Variants in SLC36A3 observed in about 807,000 individuals in gnomAD.
The protein encoded by SLC36A3 is solute carrier family 36 member 3.
A neutral mutation model predicts 44.3 loss-of-function variants in SLC36A3; 35 were observed. The observed-to-expected ratio is 0.79, with a 90% CI of 0.60 to 1.05. The LOEUF (loss-of-function observed/expected upper bound fraction) is 1.05, where lower values mean the gene tolerates loss of function less well. Among genes scored for constraint, SLC36A3 ranks in the 50% least tolerant of loss-of-function variants. SLC36A3 has a pLI of 0.00. For missense variants in SLC36A3, 540 were observed against 578.7 expected (o/e 0.93, Z 0.69); for synonymous variants, 211 against 227.6 (o/e 0.93, Z 0.66).
Position 151,287,458 on chromosome 5 carries a change from C to T in SLC36A3, c.496G>A (p.Glu166Lys), listed in dbSNP as rs1489354529. 1 of 1,613,940 alleles carries T rather than the reference C, an allele frequency of 6.2e-7. No individual in the cohort carries two copies. The highest frequency in any genetic ancestry group is 8.5e-7 in the Non-Finnish European group (1 of 1,179,922). ...ATGTTGGAGGTCACGTGGGCTTTTTCCACCATCTGACATAAAGCACAATGA... is the reference window on the plus strand; with the variant it reads ...ATGTTGGAGGTCACGTGGGCTTTTTTCACCATCTGACATAAAGCACAATGA... Reference protein sequence around the residue: ...FMADNLQQMVEKAHVTSNICQ... With the variant: ...FMADNLQQMVKKAHVTSNICQ... Residue 166 changes from glutamate (E) to lysine (K), a missense_variant, in exon 6 of 10, where the codon GAA (glutamate) becomes AAA (lysine). Physicochemically the swap from Glu to Lys is moderately conservative, Grantham distance 56. Transcript: ENST00000335230.
chr5:151,293,277 T>G, intron 4 of SLC36A3, 87 bp downstream of exon 4: 1 of 1,125,220 alleles, frequency 8.9e-7, no homozygotes, highest in Non-Finnish European at 1.3e-6. Context: ...AATAAGAGCA[T>G]ATTCATTTAA....
In SLC36A3 at chr5:151,303,300, G is replaced by A; in HGVS notation, c.55C>T (p.Pro19Ser). ...CTGCTGCTCTCTGAGGGTGACTGAG[G>A]TCCGTTGTCCAAGGAGTTCAGCTCA... The part of the protein sequence containing the change: ...NSELNSLDNG[P>S]QSPSESSSSI... Residue 19 changes from proline (P) to serine (S), a missense_variant, in exon 1 of 10, where the codon CCT (proline) becomes TCT (serine). Transcript: ENST00000335230. 1.9e-6 allele frequency: 3 copies of A among 1,614,086 alleles called. No homozygotes were observed. Among genetic ancestry groups the A allele is most frequent in the Non-Finnish European group, 8.5e-7 (1 of 1,179,998 alleles).
intron 7 of SLC36A3, among the ~76,000 whole-genome samples, 198 bp downstream of exon 7, chr5:151,284,415 T>C (rs369546248): frequency 6.6e-6 from 1 of 152,202 alleles, no homozygotes; most frequent in Non-Finnish European, 1.5e-5. Context: ...GGTTGATTAG[T>C]AAATTCTCAG....
chr5:151,291,689 G>A (rs1339377962), intron 4 of SLC36A3, among the ~76,000 whole-genome samples: 3 of 152,108 alleles, frequency 2.0e-5, no homozygotes, highest in Non-Finnish European at 4.4e-5. Context: ...GGGCTATTAT[G>A]AGACACACAT....
At chr5:151,291,383 T>C (rs1327813748) in intron 4 of SLC36A3, among the ~76,000 whole-genome samples, 1 of 152,210 alleles carries the variant, frequency 6.6e-6, no homozygotes, top group Admixed American at 6.5e-5. Flanking sequence ...AGTCTACACA[T>C]TGTATTTTGT....
intron 1 of SLC36A3, among the ~76,000 whole-genome samples, chr5:151,299,239 T>A (rs1242264530): frequency 1.4e-5 from 1 of 73,450 alleles, no homozygotes; most frequent in Admixed American, 1.7e-4. Context: ...TCTCTCTCTC[T>A]CTCTCTCTCT....
Position 151,276,469 on chromosome 5 carries a change from G to A in SLC36A3, c.*924C>T, listed in dbSNP as rs1256348514. 2.6e-5 allele frequency among the ~76,000 whole-genome samples: 4 copies of A among 152,106 alleles called. No individual in the cohort carries two copies. Among genetic ancestry groups the A allele is most frequent in the Non-Finnish European group, 5.9e-5 (4 of 68,012 alleles). ...CTTGCTGAGGAATATTCCATTGTAT[G>A]GCTACATCACAATTTATTTATCCAT... On this transcript the variant is annotated 3_prime_UTR_variant, in exon 10 of 10. Coordinates refer to ENST00000335230, the MANE Select transcript of SLC36A3 (RefSeq NM_181774.4).
At chr5:151,297,003 C>T (rs1187336697) in intron 2 of SLC36A3, 2 of 152,232 alleles carry the variant, frequency 1.3e-5, no homozygotes, top group Non-Finnish European at 2.9e-5. Context: ...CTCTCACATC[C>T]TTTGTTCTGA....
intron 9 of SLC36A3, among the ~76,000 whole-genome samples, chr5:151,279,157 G>A (rs1561626238): frequency 6.6e-6 from 1 of 152,128 alleles, no homozygotes; most frequent in South Asian, 2.1e-4. Flanking sequence ...ACTTATTTAG[G>A]TCTTCACTGA....
At position 151,277,193 on chromosome 5, in the gene SLC36A3, A is replaced by C; in HGVS notation, c.*200T>G. 1.5e-6 allele frequency: 1 copy of C among 686,698 alleles called. No individual in the cohort carries two copies. Among genetic ancestry groups the C allele is most frequent in the Non-Finnish European group, 2.3e-6 (1 of 427,692 alleles). The allele number at this position is 686,698 out of a possible 1,614,324, so 42.5% of individuals were successfully genotyped here. On this transcript the variant is annotated 3_prime_UTR_variant, in exon 10 of 10. Coordinates refer to ENST00000335230, the MANE Select transcript of SLC36A3 (RefSeq NM_181774.4). ...TTTTGGTTCAGAGGTACAAAAGGCC[A>C]TCCAAAAAATATAAAACCAAAAGAG...
At chr5:151,288,328 A>G in intron 5 of SLC36A3, 58 bp downstream of exon 5, 1 of 1,368,828 alleles carries the variant, frequency 7.3e-7, no homozygotes, top group Non-Finnish European at 1.0e-6. Flanking sequence ...TTGCTAATGT[A>G]GCCTCAGCAG....
intron 4 of SLC36A3, among the ~76,000 whole-genome samples, chr5:151,290,295 C>T (rs1754708232): frequency 6.6e-6 from 1 of 152,174 alleles, no homozygotes; most frequent in South Asian, 2.1e-4. Flanking sequence ...GTTAAAAATA[C>T]AGGCTCCTGG....
chr5:151,294,880 C>T lies in SLC36A3; in HGVS notation c.308+1300G>A, dbSNP rs535312496. 1.8e-4 allele frequency among the ~76,000 whole-genome samples: 27 copies of T among 152,130 alleles called. 1 individual carries two copies. Among genetic ancestry groups the T allele is most frequent in the Middle Eastern group, 3.4e-3 (1 of 292 alleles). On this transcript the variant is annotated intron_variant, in intron 3 of 9. Transcript: ENST00000335230. The stretch of plus-strand genomic sequence containing the variant: ...CTGACCTCAGGTGGTCTGCCTGCCT[C>T]GGCCTCCTGAATTGCTGGGATTATA...
chr5:151,292,442 A>G (rs1259575367), intron 4 of SLC36A3, among the ~76,000 whole-genome samples: 5 of 152,264 alleles, frequency 3.3e-5, no homozygotes, highest in East Asian at 1.9e-4. Context: ...TGCTCCACCC[A>G]TATCAATGTC....
At chr5:151,302,653 T>C (rs1314091305) in intron 1 of SLC36A3, among the ~76,000 whole-genome samples, 2 of 151,942 alleles carry the variant, frequency 1.3e-5, no homozygotes, top group Non-Finnish European at 2.9e-5. Flanking sequence ...GATGGGTTGA[T>C]AGGTACAGCA....
At chr5:151,278,907 G>A (rs904817843) in intron 9 of SLC36A3, among the ~76,000 whole-genome samples, 2 of 152,220 alleles carry the variant, frequency 1.3e-5, no homozygotes, top group African/African-American at 2.4e-5. Flanking sequence ...AGGTGGAATG[G>A]AGAAAGGCCT....
At chr5:151,282,839 G>A (rs1402109204) in intron 8 of SLC36A3, among the ~76,000 whole-genome samples, 1 of 150,632 alleles carries the variant, frequency 6.6e-6, no homozygotes, top group Non-Finnish European at 1.5e-5. Flanking sequence ...CTTTGCCCTT[G>A]TATTTATTTT....
intron 1 of SLC36A3, 131 bp from the exon 2 acceptor site, chr5:151,298,814 G>A: frequency 1.3e-6 from 1 of 757,682 alleles, no homozygotes. Flanking sequence ...AGGTGGACTT[G>A]GAGACAACTC....
chr5:151,277,183 A>G lies in SLC36A3; in HGVS notation c.*210T>C. 1 of 637,822 alleles carries G rather than the reference A, an allele frequency of 1.6e-6. No homozygotes were observed. Among genetic ancestry groups the G allele is most frequent in the Middle Eastern group, 4.3e-4 (1 of 2,332 alleles). The allele number at this position is 637,822 out of a possible 1,614,324, so 39.5% of individuals were successfully genotyped here. Reference sequence around the variant, plus strand: ...TTGAATCTAATTTTGGTTCAGAGGTACAAAAGGCCATCCAAAAAATATAAA... The same window carrying G: ...TTGAATCTAATTTTGGTTCAGAGGTGCAAAAGGCCATCCAAAAAATATAAA... On this transcript the variant is annotated 3_prime_UTR_variant, in exon 10 of 10. Coordinates refer to ENST00000335230, the MANE Select transcript of SLC36A3 (RefSeq NM_181774.4).
Sources: gnomAD v4.1 joint callset for allele counts (sites outside exome capture counted in the v4.1 genomes callset) on GRCh38, gnomAD v4.1.1 for gene constraint, MANE v1.5 for transcripts, NCBI Gene and HGNC (gene_info 2026-07-23, HGNC 2026-07-21) for gene names.